The following XKR6 variants were observed in gnomAD, a reference collection of about 807,000 sequenced individuals.
XKR6 encodes the protein XK-related protein 6.
A neutral mutation model predicts 56.7 loss-of-function variants in XKR6; 22 were observed. That is an observed-to-expected ratio of 0.39 (90% CI 0.28 to 0.55). XKR6 has a LOEUF of 0.55. XKR6 is among the 20% of genes least tolerant of loss of function. The pLI, the probability that XKR6 is intolerant of heterozygous loss-of-function variation, is 0.66. For missense variants in XKR6, 852 were observed against 889.0 expected, an observed-to-expected ratio of 0.96 and a Z score of 0.53; for synonymous variants, 524 against 387.8, an observed-to-expected ratio of 1.35 and a Z score of -4.13.
At chr8:11,037,857 C>CAAAA (rs61377795) in intron 1 of XKR6, among the ~76,000 whole-genome samples, 1 of 100,746 alleles carries the variant, frequency 9.9e-6, no homozygotes. Flanking sequence ...GACTTGGTTT[C>CAAAA]AAAAAAAAAA....
At chr8:11,108,736 G>A (rs1798776183) in intron 1 of XKR6, 3 of 205,438 alleles carry the variant, frequency 1.5e-5, no homozygotes, top group African/African-American at 7.1e-5. Context: ...AACCACAGAT[G>A]GGCGCGAGAA....
chr8:10,954,966 T>G (rs1178665090), intron 1 of XKR6, among the ~76,000 whole-genome samples: 1 of 151,220 alleles, frequency 6.6e-6, no homozygotes, highest in Admixed American at 6.6e-5. Context: ...CCTCCTGGGT[T>G]CAAGTGATTC....
At chr8:10,987,501 C>A (rs1797888442) in intron 1 of XKR6, among the ~76,000 whole-genome samples, 1 of 152,214 alleles carries the variant, frequency 6.6e-6, no homozygotes. Context: ...CCAGCCACTT[C>A]TCATCATCCC....
chr8:11,016,592 G>T (rs891009693), intron 1 of XKR6, among the ~76,000 whole-genome samples: 2 of 152,162 alleles, frequency 1.3e-5, no homozygotes, highest in Non-Finnish European at 2.9e-5. Context: ...GCCGCCCTCC[G>T]GCTGGCTGCA....
At chr8:11,133,820 T>C (rs1800240833) in intron 1 of XKR6, among the ~76,000 whole-genome samples, 1 of 152,150 alleles carries the variant, frequency 6.6e-6, no homozygotes, top group South Asian at 2.1e-4. Flanking sequence ...ATTAACTCTA[T>C]GCTTTCCATT....
intron 1 of XKR6, among the ~76,000 whole-genome samples, chr8:11,170,198 T>C (rs766734102): frequency 1.4e-4 from 22 of 152,194 alleles, no homozygotes; most frequent in Non-Finnish European, 2.4e-4. Context: ...CCTAGGTATA[T>C]ATCCAACAAA....
At chr8:11,130,179 G>A (rs577524369) in intron 1 of XKR6, among the ~76,000 whole-genome samples, 1 of 152,204 alleles carries the variant, frequency 6.6e-6, no homozygotes, top group East Asian at 1.9e-4. Context: ...GTGGCTGGTT[G>A]TGTGTATGTG....
At chr8:10,997,926 G>C (rs1228554911) in intron 1 of XKR6, among the ~76,000 whole-genome samples, 3 of 152,174 alleles carry the variant, frequency 2.0e-5, no homozygotes, top group African/African-American at 4.8e-5. Context: ...GACACCTGCA[G>C]TCTCAATCAC....
intron 1 of XKR6, among the ~76,000 whole-genome samples, chr8:10,958,121 C>T (rs35545799): frequency 0.14 from 21,634 of 152,216 alleles, 2,176 homozygotes; most frequent in Non-Finnish European, 0.22. Flanking sequence ...ACTGGAAAAT[C>T]TGAACAGTTC....
chr8:11,045,762 C>G lies in XKR6; in HGVS notation c.765-120932G>C, dbSNP rs1368357677. 3.3e-5 allele frequency among the ~76,000 whole-genome samples: 5 copies of G among 152,194 alleles called. No homozygotes were observed. The South Asian group carries it at 8.3e-4, about 25-fold the overall frequency. On this transcript the variant is annotated intron_variant, in intron 1 of 2. Transcript: ENST00000416569. ...CCCTTCCTTATTGAATTTCCACAGTCTCCACCACAGAGGCAGTGCACTGGT... is the reference window on the plus strand; with the variant it reads ...CCCTTCCTTATTGAATTTCCACAGTGTCCACCACAGAGGCAGTGCACTGGT...
At chr8:10,907,371 T>C (rs747432501) in intron 2 of XKR6, among the ~76,000 whole-genome samples, 2 of 152,228 alleles carry the variant, frequency 1.3e-5, no homozygotes, top group African/African-American at 4.8e-5. Flanking sequence ...ATGCATATCA[T>C]GTCATCTGCT....
At chr8:11,104,121 C>G (rs900791539) in intron 1 of XKR6, among the ~76,000 whole-genome samples, 1 of 152,178 alleles carries the variant, frequency 6.6e-6, no homozygotes, top group African/African-American at 2.4e-5. Flanking sequence ...AATTCAATGT[C>G]GGGCCTCCTA....
chr8:10,964,336 G>C (rs75334921), intron 1 of XKR6, among the ~76,000 whole-genome samples: 8,559 of 152,248 alleles, frequency 0.056, 334 homozygotes, highest in Middle Eastern at 0.088. Context: ...AAATGGAGCA[G>C]GTTGAACCCC....
chr8:10,928,598 C>A (rs537089810), intron 1 of XKR6, among the ~76,000 whole-genome samples: 2 of 152,320 alleles, frequency 1.3e-5, no homozygotes, highest in African/African-American at 2.4e-5. Flanking sequence ...CGGCCTCGAC[C>A]CGCGGCCACA....
intron 1 of XKR6, among the ~76,000 whole-genome samples, chr8:11,199,419 T>C (rs527540514): frequency 6.6e-6 from 1 of 152,382 alleles, no homozygotes; most frequent in South Asian, 2.1e-4. Context: ...GTATATCTGT[T>C]ACCTGAACTA....
intron 1 of XKR6, among the ~76,000 whole-genome samples, chr8:11,195,622 CT>C (rs1000226720): frequency 2.6e-5 from 4 of 151,718 alleles, no homozygotes; most frequent in African/African-American, 9.7e-5. Context: ...TTTTACTCAA[CT>C]TTCCCCTCAG....
At chr8:11,119,623 G>A (rs1799349866) in intron 1 of XKR6, among the ~76,000 whole-genome samples, 1 of 152,122 alleles carries the variant, frequency 6.6e-6, no homozygotes, top group Non-Finnish European at 1.5e-5. Flanking sequence ...GACTAGGATT[G>A]CAAACCCTGC....
intron 1 of XKR6, among the ~76,000 whole-genome samples, chr8:11,021,547 C>T (rs1323163384): frequency 1.3e-5 from 2 of 152,118 alleles, no homozygotes; most frequent in African/African-American, 4.8e-5. Flanking sequence ...CCTTTTGTCC[C>T]TTTCAAGCAG....
intron 1 of XKR6, chr8:11,109,847 C>A (rs1489680842): frequency 6.6e-6 from 1 of 152,054 alleles, no homozygotes; most frequent in Admixed American, 6.6e-5. Context: ...CCTCTACTGA[C>A]GAAAGCATCA....
Sources: gnomAD v4.1 joint callset for allele counts (sites outside exome capture counted in the v4.1 genomes callset) on GRCh38, gnomAD v4.1.1 for gene constraint, MANE v1.5 for transcripts, NCBI Gene and HGNC (gene_info 2026-07-23, HGNC 2026-07-21) for gene names.